RNF34: variants seen among roughly 807,000 people sequenced by gnomAD.
RNF34 encodes E3 ubiquitin-protein ligase RNF34.
Under a neutral mutation model 37.9 loss-of-function variants are expected in RNF34, and 12 were observed. The observed-to-expected ratio is 0.32, with a 90% confidence interval of 0.20 to 0.51. The LOEUF (loss-of-function observed/expected upper bound fraction) is 0.51. Ranked by LOEUF, RNF34 falls within the 20% of genes least tolerant of loss-of-function variation. RNF34 has a pLI of 0.97. For synonymous variants in RNF34, 155 were observed against 177.2 expected, an observed-to-expected ratio of 0.87 and a Z score of 1.00; for missense variants, 362 against 472.7, an observed-to-expected ratio of 0.77 and a Z score of 2.17.
chr12:121,423,376 T>C lies in RNF34; in HGVS notation c.929-10T>C. 6.3e-7 allele frequency: 1 copy of C among 1,595,948 alleles called. No individual in the cohort carries two copies. Among genetic ancestry groups the C allele is most frequent in the Non-Finnish European group, 8.6e-7 (1 of 1,169,360 alleles). On this transcript the variant is annotated splice_polypyrimidine_tract_variant and intron_variant, in intron 5 of 5. Coordinates refer to ENST00000361234, the MANE Select transcript of RNF34 (RefSeq NM_025126.4). The surrounding 1 kb of genome is among the most constrained non-coding windows in gnomAD (Gnocchi z 4.3). Reference sequence around the variant, plus strand: ...TGAAGCCGAGGCCTTAGCTCTCTGTTGCCTTTCAGATGGCGAGCGGCTGCA... The same window carrying C: ...TGAAGCCGAGGCCTTAGCTCTCTGTCGCCTTTCAGATGGCGAGCGGCTGCA...
chr12:121,416,330 A>G lies in RNF34; in HGVS notation c.178A>G (p.Ile60Val), dbSNP rs1871572028. Reference sequence around the variant, plus strand: ...ACCAGCAGCTACGGAAGGGCCCAACATAGTTTGTAAAGCCTGTGGGCTTTC... The same window carrying G: ...ACCAGCAGCTACGGAAGGGCCCAACGTAGTTTGTAAAGCCTGTGGGCTTTC... Reference protein sequence around the residue: ...YPPAATEGPNIVCKACGLSFS... With the variant: ...YPPAATEGPNVVCKACGLSFS... The change falls in exon 2 of 6, where the codon ATA becomes GTA. Residue 60 changes from isoleucine to valine, a missense_variant. By Grantham distance (29) the Ile-to-Val change is conservative. Coordinates refer to ENST00000361234, the MANE Select transcript of RNF34 (RefSeq NM_025126.4). 4 of 1,614,030 alleles carry G rather than the reference A, an allele frequency of 2.5e-6. No individual in the cohort carries two copies. The African/African-American group carries it at 5.3e-5, about 22-fold the overall frequency.
intron 1 of RNF34, among the ~76,000 whole-genome samples, chr12:121,410,500 G>A (rs1029472112): frequency 2.0e-5 from 3 of 150,218 alleles, no homozygotes; most frequent in Non-Finnish European, 4.4e-5. Context: ...TTGCGCCACT[G>A]CATTCCATCC....
In RNF34 at chr12:121,420,295, T is replaced by G. The variant is rs781893046; in HGVS notation, c.687T>G (p.Asp229Glu). Reference sequence around the variant, plus strand: ...CAGAAGATGATGATGACGACGATGATGAGGATGATGATGATGAAGAAGAAA... The same window carrying G: ...CAGAAGATGATGATGACGACGATGAGGAGGATGATGATGATGAAGAAGAAA... ...ANTEDDDDDD[D>E]EDDDDEEENA... Residue 229 changes from aspartate to glutamate, a missense_variant, in exon 4 of 6, where the codon GAT becomes GAG. Physicochemically the swap from Asp to Glu is conservative, Grantham distance 45. Coordinates refer to ENST00000361234, the MANE Select transcript of RNF34 (RefSeq NM_025126.4). 5.0e-6 allele frequency: 8 copies of G among 1,588,266 alleles called. No homozygotes were observed. Among genetic ancestry groups the G allele is most frequent in the Non-Finnish European group, 6.9e-6 (8 of 1,165,422 alleles).
rs1871554482 is a variant in RNF34, at chr12:121,416,162, G to A, written c.10G>A (p.Gly4Ser). 1.2e-6 allele frequency: 2 copies of A among 1,613,438 alleles called. No homozygotes were observed. The highest frequency in any genetic ancestry group is 1.7e-6 in the Non-Finnish European group (2 of 1,179,558). Residue 4 changes from glycine to serine, a missense_variant, in exon 2 of 6, where the codon GGT (glycine) becomes AGT (serine). Coordinates refer to ENST00000361234, the MANE Select transcript of RNF34 (RefSeq NM_025126.4). ...TGGGATTTGTGTTCCTTTTTAGGCG[G>A]GTGCCACGTCTATGTGGGCTTCGTG... Reference protein sequence around the residue: MKAGATSMWASCCG... With the variant: MKASATSMWASCCG...
chr12:121,408,222 C>G (rs1010034908), intron 1 of RNF34, among the ~76,000 whole-genome samples: 2 of 152,110 alleles, frequency 1.3e-5, no homozygotes, highest in Non-Finnish European at 2.9e-5. Flanking sequence ...AGGCAGATCA[C>G]CTGAGGTCAG....
At chr12:121,404,289 G>C (rs1440887656) in intron 1 of RNF34, among the ~76,000 whole-genome samples, 2 of 150,304 alleles carry the variant, frequency 1.3e-5, no homozygotes, top group African/African-American at 4.9e-5. Context: ...TTACAGGCTT[G>C]AGCCATGGCA....
rs1871644789 is a variant in RNF34, at chr12:121,417,083, G to T, written c.226-421G>T. ...TTCTTGGATTCACCTTGAGAGATCA[G>T]TTGCCTTTCTCTTTCCCTGTCAGTC... On this transcript the variant is annotated intron_variant, in intron 2 of 5. Transcript: ENST00000361234. The surrounding 1 kb of genome is among the most constrained non-coding windows in gnomAD (Gnocchi z 5.0). Among the ~76,000 whole-genome samples the T allele has an allele frequency of 6.6e-6, 1 of 152,202 alleles. No individual in the cohort carries two copies. The highest frequency in any genetic ancestry group is 2.4e-5 in the African/African-American group (1 of 41,452).
intron 2 of RNF34, among the ~76,000 whole-genome samples, chr12:121,416,880 T>C (rs895350022): frequency 6.6e-6 from 1 of 152,230 alleles, no homozygotes; most frequent in African/African-American, 2.4e-5. Context: ...TTGCTCTCTT[T>C]GATCTTTAGT....
intron 1 of RNF34, among the ~76,000 whole-genome samples, chr12:121,413,265 G>C (rs1871262129): frequency 6.7e-6 from 1 of 149,446 alleles, no homozygotes; most frequent in Non-Finnish European, 1.5e-5. Context: ...GACCTCAGGA[G>C]ATCCACCTTC....
intron 1 of RNF34, 80 bp from the exon 2 acceptor site, chr12:121,416,079 C>T (rs753331968): frequency 2.4e-5 from 28 of 1,179,724 alleles, no homozygotes; most frequent in Non-Finnish European, 3.5e-5. Flanking sequence ...ACTTACCTCT[C>T]CAGAATAGCA....
chr12:121,402,635 C>T (rs1870107990), intron 1 of RNF34: 2 of 609,278 alleles, frequency 3.3e-6, no homozygotes, highest in African/African-American at 3.7e-5. Context: ...TTATATTGAT[C>T]TCACCATTAA....
chr12:121,403,065 C>T (rs1233652815), intron 1 of RNF34, among the ~76,000 whole-genome samples: 1 of 152,138 alleles, frequency 6.6e-6, no homozygotes, highest in Non-Finnish European at 1.5e-5. Flanking sequence ...GAAATCCTTT[C>T]ACATTCTAAG....
chr12:121,413,370 G>A (rs1039258307), intron 1 of RNF34, among the ~76,000 whole-genome samples: 2 of 150,120 alleles, frequency 1.3e-5, no homozygotes, highest in African/African-American at 2.5e-5. Flanking sequence ...AGAGTTTGAG[G>A]TATATAATCA....
At chr12:121,421,915 G>GA (rs1555283458) in intron 5 of RNF34, among the ~76,000 whole-genome samples, 1 of 152,116 alleles carries the variant, frequency 6.6e-6, no homozygotes, top group Non-Finnish European at 1.5e-5. Flanking sequence ...ATTTGTTGAT[G>GA]AACAGGTTTA....
In RNF34 at chr12:121,424,198, G is replaced by A. The variant is rs1872394567; in HGVS notation, c.*622G>A. ...GTTCAGGTATAGCTTTTTATAGCAA[G>A]GGCTGCATCTAGCTTCTTTTATTAG... On this transcript the variant is annotated 3_prime_UTR_variant, in exon 6 of 6. Transcript: ENST00000361234. 1 of 152,676 alleles carries A rather than the reference G, an allele frequency of 6.5e-6. No individual in the cohort carries two copies. The highest frequency in any genetic ancestry group is 2.1e-4 in the South Asian group (1 of 4,836). 9.5% of individuals were successfully genotyped at this position (152,676 alleles called of 1,614,324 possible). A position where few individuals can be genotyped will look rare whatever the true frequency, so the allele number is the denominator to read the frequency against.
Position 121,420,438 on chromosome 12 carries a change from T to A in RNF34, c.726+104T>A, listed in dbSNP as rs1057207380. Reference sequence around the variant, plus strand: ...GATTAGTACAGGATGTTTCTTCTGGTTTGAATGTAGGACAGTATACTGAAA... The same window carrying A: ...GATTAGTACAGGATGTTTCTTCTGGATTGAATGTAGGACAGTATACTGAAA... On this transcript the variant is annotated intron_variant, in intron 4 of 5. Coordinates refer to ENST00000361234, the MANE Select transcript of RNF34 (RefSeq NM_025126.4). 5 of 1,552,064 alleles carry A rather than the reference T, an allele frequency of 3.2e-6. No individual in the cohort carries two copies. The African/African-American group carries it at 5.5e-5, about 17-fold the overall frequency.
intron 1 of RNF34, among the ~76,000 whole-genome samples, chr12:121,406,307 A>G (rs1391813473): frequency 1.7e-5 from 1 of 58,258 alleles, no homozygotes; most frequent in Non-Finnish European, 3.4e-5. Flanking sequence ...TTGTTGTTTG[A>G]GACAGACTCT....
chr12:121,421,017 G>T (rs1047085211), intron 5 of RNF34, among the ~76,000 whole-genome samples: 32 of 152,058 alleles, frequency 2.1e-4, no homozygotes, highest in Non-Finnish European at 7.4e-5. Flanking sequence ...ATTCAATTTG[G>T]TTTTTCTTAC....
rs373330201 is a variant in RNF34 at position 121,417,926 on chromosome 12, C to G, written c.633+15C>G. The G allele has an allele frequency of 6.2e-7, 1 of 1,608,550 alleles. No homozygotes were observed. Among genetic ancestry groups the G allele is most frequent in the African/African-American group, 1.3e-5 (1 of 74,480 alleles). On this transcript the variant is annotated intron_variant, in intron 3 of 5. Coordinates refer to ENST00000361234, the MANE Select transcript of RNF34 (RefSeq NM_025126.4). This position sits in a 1 kb window ranked among gnomAD's most constrained non-coding sequence, Gnocchi z 5.0. ...TGCCGGCACAGGTACGAGGGGGTAA[C>G]TAATTACACCCAGGGCCCGGCACGC...
Sources: gnomAD v4.1 joint callset for allele counts (sites outside exome capture counted in the v4.1 genomes callset) on GRCh38, gnomAD v4.1.1 for gene constraint, Gnocchi (gnomAD v3.1) non-coding constraint, MANE v1.5 for transcripts, NCBI Gene and HGNC (gene_info 2026-07-23, HGNC 2026-07-21) for gene names.